Variants in ABHD8 observed in about 807,000 individuals in gnomAD.
ABHD8 encodes the protein abhydrolase domain containing 8.
A neutral mutation model predicts 29.3 loss-of-function variants in ABHD8; 10 were observed. The observed-to-expected ratio is 0.34, with a 90% CI of 0.21 to 0.58. The LOEUF is 0.58. Among genes scored for constraint, ABHD8 ranks in the 20% least tolerant of loss-of-function variants. The pLI, the probability that ABHD8 is intolerant of heterozygous loss-of-function variation, is 0.85. For missense variants in ABHD8, 556 were observed against 615.3 expected (o/e 0.90, Z 1.02); for synonymous variants, 282 against 274.6 (o/e 1.03, Z -0.27).
chr19:17,296,114 G>A (rs1889942369), intron 2 of ABHD8: 1 of 152,272 alleles, frequency 6.6e-6, no homozygotes, highest in Admixed American at 6.5e-5. Context: ...AGGGATGAGT[G>A]CGGCCTCTCA....
chr19:17,301,387 C>T lies in ABHD8; in HGVS notation c.230G>A (p.Arg77His), dbSNP rs1037237789. 4.3e-6 allele frequency: 7 copies of T among 1,611,470 alleles called. No individual in the cohort carries two copies. The highest frequency in any genetic ancestry group is 1.7e-5 in the Admixed American group (1 of 60,010). ...GTACACGGTGATCCGGCGCTGACAG[C>T]GGACCAAGCCGGAGAGGTCCCCCTG... ...AAQGDLSGLV[R>H]CQRRITVYRN... is the part of the protein sequence containing the mutation. The change falls in exon 2 of 5, where the codon CGC (arginine) becomes CAC (histidine). Residue 77 changes from arginine (R) to histidine (H), a missense_variant. Physicochemically the swap from Arg to His is conservative, Grantham distance 29 (BLOSUM62 0). Coordinates refer to ENST00000247706, the MANE Select transcript of ABHD8 (RefSeq NM_024527.5).
Position 17,294,720 on chromosome 19 carries a change from C to G in ABHD8, c.887G>C (p.Cys296Ser). 1.2e-6 allele frequency: 2 copies of G among 1,614,184 alleles called. No homozygotes were observed. Among genetic ancestry groups the G allele is most frequent in the South Asian group, 2.2e-5 (2 of 91,086 alleles). ...GCAGGGCGACAAGCAGTGCAGGACG[C>G]AGGTGGGCATGTTGAAGATTGAGCA... ...SFCSIFNMPT[C>S]VLHCLSPCLA... Residue 296 changes from cysteine to serine, a missense_variant, in exon 3 of 5, where the codon TGC becomes TCC. Transcript: ENST00000247706.
At chr19:17,299,992 T>C (rs1030903021) in intron 2 of ABHD8, among the ~76,000 whole-genome samples, 2 of 149,750 alleles carry the variant, frequency 1.3e-5, no homozygotes, top group Non-Finnish European at 3.0e-5. Flanking sequence ...GCAAGCTCCG[T>C]CTCCCGTGCT....
chr19:17,294,591 T>G lies in ABHD8; in HGVS notation c.932+84A>C. The G allele has an allele frequency of 5.6e-6, 9 of 1,607,372 alleles. No individual in the cohort carries two copies. The South Asian group carries it at 8.8e-5, about 16-fold the overall frequency. On this transcript the variant is annotated intron_variant, in intron 3 of 4. Transcript: ENST00000247706. Reference sequence around the variant, plus strand: ...CCGATGCCAGCCCTAGTCCCAGCGGTACAGTCCCCCCTCCCATCCAACTCG... The same window carrying G: ...CCGATGCCAGCCCTAGTCCCAGCGGGACAGTCCCCCCTCCCATCCAACTCG...
At chr19:17,302,383 G>A (rs1308920684) in intron 1 of ABHD8, among the ~76,000 whole-genome samples, 1 of 150,352 alleles carries the variant, frequency 6.7e-6, no homozygotes, top group Non-Finnish European at 1.5e-5. Context: ...ATTCATTCAG[G>A]TATACACTAA....
At chr19:17,299,583 A>T (rs1461058834) in intron 2 of ABHD8, among the ~76,000 whole-genome samples, 1 of 150,136 alleles carries the variant, frequency 6.7e-6, no homozygotes, top group East Asian at 1.9e-4. Context: ...AAAAAAAAAA[A>T]TTAAGGCTGA....
At chr19:17,301,728 T>C (rs1358438292) in intron 1 of ABHD8, 104 bp from the exon 2 acceptor site, 2 of 1,336,582 alleles carry the variant, frequency 1.5e-6, no homozygotes, top group Admixed American at 3.3e-5. Context: ...TAGACTCCAG[T>C]TTGGGGAGCG....
In ABHD8 at chr19:17,301,352, G is replaced by A. The variant is rs1459054979; in HGVS notation, c.265C>T (p.Arg89Trp). 5 of 1,609,608 alleles carry A rather than the reference G, an allele frequency of 3.1e-6. No homozygotes were observed. The Admixed American group carries it at 6.7e-5, about 21-fold the overall frequency. Residue 89 changes from arginine to tryptophan, a missense_variant, in exon 2 of 5, where the codon CGG (arginine) becomes TGG (tryptophan). Around this residue, in one of 2 missense-constraint regions of ABHD8, gnomAD observed 286 missense variants for 261.4 expected, o/e 1.09. Transcript: ENST00000247706. ...CGGCCCAGGTTTTCCACCAGCAACC[G>A]CCCATTGCGGTACACGGTGATCCGG... The part of the protein sequence containing the change: ...QRRITVYRNG[R>W]LLVENLGRAP...
rs2074129684 is a variant in ABHD8, at chr19:17,303,252, G to T, written c.-19C>A. On this transcript the variant is annotated 5_prime_UTR_variant, in exon 1 of 5. Transcript: ENST00000247706. ...CCGTTCCCCGCTCACCTCATCGAGG[G>T]CCGCGGGGCCCGGGTCGGGGCGGAG... is the stretch of plus-strand genomic sequence containing the variant. 6.6e-6 allele frequency: 1 copy of T among 152,286 alleles called. No homozygotes were observed. The highest frequency in any genetic ancestry group is 1.5e-5 in the Non-Finnish European group (1 of 68,080). 9.4% of individuals were successfully genotyped at this position (152,286 alleles called of 1,614,324 possible). A position where few individuals can be genotyped will look rare whatever the true frequency, so the allele number is the denominator to read the frequency against.
chr19:17,301,300 C>A lies in ABHD8; in HGVS notation c.317G>T (p.Gly106Val). Residue 106 changes from glycine to valine, a missense_variant, in exon 2 of 5, where the codon GGG (glycine) becomes GTG (valine). Gly to Val is a moderately radical substitution (Grantham distance 109). Transcript: ENST00000247706. ...CGGCGGCTCCCCAGAGCCATTCTGCCCGTGTAGGAGGTCGGCTCGAGGGGC... is the reference window on the plus strand; with the variant it reads ...CGGCGGCTCCCCAGAGCCATTCTGCACGTGTAGGAGGTCGGCTCGAGGGGC... ...GRAPRADLLH[G>V]QNGSGEPPAA... 6.2e-7 allele frequency: 1 copy of A among 1,607,280 alleles called. No homozygotes were observed. The highest frequency in any genetic ancestry group is 8.5e-7 in the Non-Finnish European group (1 of 1,179,740).
In ABHD8 at chr19:17,294,485, C is replaced by T. The variant is rs1170345450; in HGVS notation, c.952G>A (p.Gly318Arg). 3.1e-6 allele frequency: 5 copies of T among 1,614,072 alleles called. No individual in the cohort carries two copies. Among genetic ancestry groups the T allele is most frequent in the Non-Finnish European group, 4.2e-6 (5 of 1,180,010 alleles). ...SFLKAGFARQGAKEKQLLKEG... is the reference protein window; with the variant it reads ...SFLKAGFARQRAKEKQLLKEG... ...TTTAACAGCTGCTTCTCCTTGGCTC[C>T]TTGGCGGGCGAAGCCGGCCCTGGTG... Residue 318 changes from glycine (G) to arginine (R), a missense_variant, in exon 4 of 5, where the codon GGA becomes AGA. Physicochemically the swap from Gly to Arg is moderately radical, Grantham distance 125. Around this residue, in one of 2 missense-constraint regions of ABHD8, gnomAD observed 270 missense variants for 353.9 expected, o/e 0.76. Coordinates refer to ENST00000247706, the MANE Select transcript of ABHD8 (RefSeq NM_024527.5).
Position 17,301,773 on chromosome 19 carries a change from T to G in ABHD8, c.-8-149A>C, listed in dbSNP as rs1432882395. The G allele has an allele frequency of 5.0e-6, 4 of 796,954 alleles. No homozygotes were observed. In the African/African-American group the frequency reaches 7.3e-5, roughly 14 times the overall value. 49.4% of individuals were successfully genotyped at this position (796,954 alleles called of 1,614,324 possible). ...GTGAGCCACGGCACTGAGATTTTTT[T>G]GTTTGTGTGTGTGTGTGTGTGTGTG... On this transcript the variant is annotated intron_variant, in intron 1 of 4. Coordinates refer to ENST00000247706, the MANE Select transcript of ABHD8 (RefSeq NM_024527.5).
chr19:17,301,645 C>T (rs1189092431), intron 1 of ABHD8, 21 bp from the exon 2 acceptor site: 13 of 1,517,770 alleles, frequency 8.6e-6, no homozygotes, highest in African/African-American at 2.7e-5. Flanking sequence ...GGACAGCAGC[C>T]AGTTCAGGTG....
intron 2 of ABHD8, chr19:17,298,289 C>G (rs564869251): frequency 6.6e-6 from 1 of 152,256 alleles, no homozygotes; most frequent in East Asian, 1.9e-4. Context: ...GCTGTTCAAT[C>G]TTGCCTTTCT....
Position 17,294,761 on chromosome 19 carries a change from C to T in ABHD8, c.846G>A (p.Ala282=), listed in dbSNP as rs200026977. Residue 282 remains alanine, a synonymous_variant, in exon 3 of 5, where the codon GCG becomes GCA. Coordinates refer to ENST00000247706, the MANE Select transcript of ABHD8 (RefSeq NM_024527.5). ...AGATTGAGCAGAAGCTGGGCTCCAG[C>T]GCCGTAGGGCCCCCGCCATTGATCA... ...VIMINGGGPT[A]LEPSFCSIFN... 5.7e-5 allele frequency: 92 copies of T among 1,614,148 alleles called. 1 individual carries two copies. In the East Asian group the frequency reaches 1.8e-3, roughly 32 times the overall value.
rs756147430 is a variant in ABHD8 at position 17,294,740 on chromosome 19, T to C, written c.867A>G (p.Ser289=). The part of the protein sequence containing the change: ...GPTALEPSFC[S]IFNMPTCVLH... ...GGACGCAGGTGGGCATGTTGAAGAT[T>C]GAGCAGAAGCTGGGCTCCAGCGCCG... Residue 289 remains serine (S), a synonymous_variant, in exon 3 of 5, where the codon TCA becomes TCG. Coordinates refer to ENST00000247706, the MANE Select transcript of ABHD8 (RefSeq NM_024527.5). 1.2e-6 allele frequency: 2 copies of C among 1,614,124 alleles called. No individual in the cohort carries two copies. The highest frequency in any genetic ancestry group is 2.7e-5 in the African/African-American group (2 of 75,042).
At chr19:17,302,679 G>A (rs1354182513) in intron 1 of ABHD8, among the ~76,000 whole-genome samples, 1 of 152,198 alleles carries the variant, frequency 6.6e-6, no homozygotes, top group Non-Finnish European at 1.5e-5. Context: ...TTGGCACCCT[G>A]GATTCTGGGG....
rs761770440 is a variant in ABHD8, at chr19:17,294,384, G to A, written c.1053C>T (p.Asp351=). The A allele has an allele frequency of 1.2e-6, 2 of 1,613,982 alleles. No homozygotes were observed. Among genetic ancestry groups the A allele is most frequent in the Admixed American group, 1.7e-5 (1 of 60,020 alleles). ...CGGTGAGCTCGGCGTGGTAGACCTC[G>A]TCGCCCTCGGGCCAGTACTGGCCGC... ...MMSGQYWPEG[D]EVYHAELTVP... Residue 351 remains aspartate, a synonymous_variant, in exon 4 of 5, where the codon GAC becomes GAT. Coordinates refer to ENST00000247706, the MANE Select transcript of ABHD8 (RefSeq NM_024527.5).
Position 17,294,459 on chromosome 19 carries a change from C to T in ABHD8, c.978G>A (p.Lys326=). The change falls in exon 4 of 5, where the codon AAG becomes AAA. Residue 326 remains lysine (K), a synonymous_variant. Coordinates refer to ENST00000247706, the MANE Select transcript of ABHD8 (RefSeq NM_024527.5). Reference sequence around the variant, plus strand: ...ATGACACGTTGAAAGCGTTGCCCTCCTTTAACAGCTGCTTCTCCTTGGCTC... The same window carrying T: ...ATGACACGTTGAAAGCGTTGCCCTCTTTTAACAGCTGCTTCTCCTTGGCTC... ...RQGAKEKQLL[K]EGNAFNVSSF... The T allele has an allele frequency of 6.2e-7, 1 of 1,614,174 alleles. No individual in the cohort carries two copies. Among genetic ancestry groups the T allele is most frequent in the Non-Finnish European group, 8.5e-7 (1 of 1,180,014 alleles).
Sources: gnomAD v4.1 joint callset for allele counts (sites outside exome capture counted in the v4.1 genomes callset) on GRCh38, gnomAD v4.1.1 for gene constraint, gnomAD v4.1.1 regional missense constraint, MANE v1.5 for transcripts, NCBI Gene and HGNC (gene_info 2026-07-23, HGNC 2026-07-21) for gene names.